The following DMD variants were observed in gnomAD, a reference collection of about 807,000 sequenced individuals.
The protein encoded by DMD is dystrophin, also known as mutant dystrophin.
Under a neutral mutation model 330.1 loss-of-function variants are expected in DMD, and 63 were observed. The ratio of observed to expected loss-of-function variants is 0.19; its 90% CI spans 0.16 to 0.24. The LOEUF (loss-of-function observed/expected upper bound fraction) is 0.24, where lower values mean the gene tolerates loss of function less well. Ranked by LOEUF, DMD falls within the 10% of genes least tolerant of loss-of-function variation. The pLI, the probability that DMD is intolerant of heterozygous loss-of-function variation, is 1.00. For missense variants in DMD, 3,344 were observed against 2,684.1 expected (o/e 1.25, Z -5.43); for synonymous variants, 1,223 against 959.8 (o/e 1.27, Z -5.07).
chrX:32,518,155 C>G, intron 17 of DMD, 24 bp from the exon 18 acceptor site: 1 of 1,189,884 alleles, frequency 8.4e-7, no homozygotes, highest in Non-Finnish European at 1.1e-6. Flanking sequence ...AAATAAAAGT[C>G]ATTATTTCTT....
chrX:32,669,920 C>T (rs995084020), intron 9 of DMD, among the ~76,000 whole-genome samples: 6 of 111,476 alleles, frequency 5.4e-5, no homozygotes, highest in Non-Finnish European at 1.1e-4. Flanking sequence ...TCCTACTCCT[C>T]CTCCCCTAAC....
Position 32,682,960 on chromosome X carries a change from A to G in DMD, c.960+14910T>C, listed in dbSNP as rs186327361. ...GCTGGGTTTCCAAATGACCACAATG[A>G]ATAGCGTTCCCTTGCTGATTCACAG... On this transcript the variant is annotated intron_variant, in intron 9 of 78. Transcript: ENST00000357033. Among the ~76,000 whole-genome samples, 624 of 111,875 alleles carry G rather than the reference A, an allele frequency of 5.6e-3. 11 individuals are homozygous for G. The highest frequency in any genetic ancestry group is 0.019 in the African/African-American group (592 of 30,837).
chrX:31,829,557 T>C (rs2092972957), intron 49 of DMD, among the ~76,000 whole-genome samples: 1 of 111,465 alleles, frequency 9.0e-6, no homozygotes, highest in African/African-American at 3.3e-5. Flanking sequence ...GATTTTTATG[T>C]TTTCTATCAT....
At chrX:32,715,933 A>C (rs1256426348) in intron 7 of DMD, among the ~76,000 whole-genome samples, 2 of 111,864 alleles carry the variant, frequency 1.8e-5, no homozygotes, top group Non-Finnish European at 3.8e-5. Context: ...GAAAAACAAA[A>C]AGTAACTATG....
chrX:33,280,550 C>T (rs1390924187), intron 1 of DMD, among the ~76,000 whole-genome samples: 2 of 111,515 alleles, frequency 1.8e-5, no homozygotes, highest in Admixed American at 1.9e-4. Context: ...ACCCTCCTTA[C>T]TGGATTCCTG....
chrX:32,692,352 T>A, intron 9 of DMD, among the ~76,000 whole-genome samples: 1 of 111,936 alleles, frequency 8.9e-6, no homozygotes, highest in Non-Finnish European at 1.9e-5. Context: ...TTCAGTCACA[T>A]CAGGATGTAT....
chrX:33,170,412 C>T (rs939844703), intron 1 of DMD, among the ~76,000 whole-genome samples: 1 of 110,850 alleles, frequency 9.0e-6, no homozygotes, highest in African/African-American at 3.3e-5. Flanking sequence ...TCACAAATAT[C>T]TTTTATTTCT....
At chrX:31,140,043 A>G (rs1179166938) in intron 76 of DMD, among the ~76,000 whole-genome samples, 1 of 112,377 alleles carries the variant, frequency 8.9e-6, no homozygotes, top group Non-Finnish European at 1.9e-5. Context: ...AAGTGAAGAA[A>G]AAAGAAGTGG....
chrX:32,670,129 G>A (rs991728450), intron 9 of DMD, among the ~76,000 whole-genome samples: 10 of 111,373 alleles, frequency 9.0e-5, no homozygotes, highest in African/African-American at 3.3e-4. Flanking sequence ...ATAATTTATG[G>A]TCCCAGAGGA....
At chrX:32,124,488 T>C (rs749129663) in intron 44 of DMD, among the ~76,000 whole-genome samples, 1 of 112,030 alleles carries the variant, frequency 8.9e-6, no homozygotes, top group South Asian at 3.7e-4. Flanking sequence ...TTTACCTAGG[T>C]CCAAAGTCCT....
At chrX:33,214,131 G>C (rs1237686624), upstream of DMD, among the ~76,000 whole-genome samples, 1 of 107,548 alleles carries the variant, frequency 9.3e-6, no homozygotes, top group African/African-American at 3.4e-5. Context: ...TTGCTGAGTA[G>C]TAGTTCATGG....
chrX:32,860,523 G>A (rs781286901), intron 2 of DMD, among the ~76,000 whole-genome samples: 6 of 111,187 alleles, frequency 5.4e-5, no homozygotes, highest in Non-Finnish European at 1.1e-4. Flanking sequence ...CTGCTGACCA[G>A]CTCCCAGAAA....
At chrX:32,769,470 A>G (rs1212294851) in intron 7 of DMD, among the ~76,000 whole-genome samples, 1 of 112,005 alleles carries the variant, frequency 8.9e-6, no homozygotes, top group Non-Finnish European at 1.9e-5. Flanking sequence ...CAGCCAAACC[A>G]TATCAGTCAC....
chrX:31,372,625 C>T (rs910668956), intron 60 of DMD, among the ~76,000 whole-genome samples: 3 of 111,675 alleles, frequency 2.7e-5, no homozygotes, highest in African/African-American at 9.8e-5. Flanking sequence ...TTCAACAACC[C>T]TTCATGCTAA....
At chrX:31,625,631 A>G (rs1411837372) in intron 55 of DMD, among the ~76,000 whole-genome samples, 5 of 112,089 alleles carry the variant, frequency 4.5e-5, no homozygotes, top group Non-Finnish European at 1.9e-5. Flanking sequence ...TAAACATAAA[A>G]TATTTATTTT....
chrX:32,478,117 C>T (rs2041431353), intron 21 of DMD, among the ~76,000 whole-genome samples: 1 of 111,428 alleles, frequency 9.0e-6, no homozygotes, highest in Non-Finnish European at 1.9e-5. Flanking sequence ...CTGGAAAAGG[C>T]ACCCATGTAA....
chrX:31,436,508 ATTC>A, intron 60 of DMD, among the ~76,000 whole-genome samples: 1 of 110,555 alleles, frequency 9.0e-6, no homozygotes. Flanking sequence ...AAACCAGACC[ATTC>A]TTCTCCTAGG....
intron 2 of DMD, among the ~76,000 whole-genome samples, chrX:32,968,456 T>C (rs1039625290): frequency 9.0e-6 from 1 of 110,611 alleles, no homozygotes; most frequent in Non-Finnish European, 1.9e-5. Flanking sequence ...CTGGAGAGTA[T>C]GTCAAGATAA....
At chrX:32,633,684 T>G (rs963023645) in intron 11 of DMD, among the ~76,000 whole-genome samples, 1 of 112,016 alleles carries the variant, frequency 8.9e-6, no homozygotes, top group Non-Finnish European at 1.9e-5. Flanking sequence ...CTCACAGTTC[T>G]ACAGGCTGTA....
Sources: allele counts gnomAD v4.1 joint callset (sites outside exome capture counted in the v4.1 genomes callset), GRCh38; gene constraint gnomAD v4.1.1; transcripts MANE v1.5; gene names NCBI Gene and HGNC (gene_info 2026-07-23, HGNC 2026-07-21).